Variants in AK5 observed in about 807,000 individuals in gnomAD.
The protein encoded by AK5 is adenylate kinase 5, also known as adenylate kinase isoenzyme 5.
Under a neutral mutation model 69.5 loss-of-function variants are expected in AK5, and 27 were observed. The observed-to-expected ratio is 0.39, with a 90% CI of 0.29 to 0.54. The LOEUF is 0.54. AK5 is among the 20% of genes least tolerant of loss of function. AK5 has a pLI of 0.71. For synonymous variants in AK5, 260 were observed against 244.4 expected, an observed-to-expected ratio of 1.06 and a Z score of -0.60; for missense variants, 531 against 700.4, an observed-to-expected ratio of 0.76 and a Z score of 2.73.
chr1:77,367,256 T>G (rs1646966602), intron 6 of AK5, among the ~76,000 whole-genome samples: 2 of 151,860 alleles, frequency 1.3e-5, no homozygotes, highest in African/African-American at 4.8e-5. Context: ...TTGGATAATT[T>G]GCATATACAT....
At chr1:77,409,275 G>A (rs12070870) in intron 6 of AK5, among the ~76,000 whole-genome samples, 34,269 of 152,056 alleles carry the variant, frequency 0.23, 4,094 homozygotes, top group East Asian at 0.38. Flanking sequence ...CCAGGTATAT[G>A]CCCAGTAATG....
intron 6 of AK5, among the ~76,000 whole-genome samples, chr1:77,357,527 T>G (rs1040733362): frequency 9.2e-5 from 14 of 152,278 alleles, no homozygotes; most frequent in Non-Finnish European, 1.8e-4. Flanking sequence ...AATAATACCT[T>G]ACATTCATTG....
intron 6 of AK5, among the ~76,000 whole-genome samples, chr1:77,368,248 T>TA: frequency 1.2e-5 from 1 of 86,572 alleles, no homozygotes; most frequent in Non-Finnish European, 2.4e-5. Context: ...TATATATATA[T>TA]ATATAATATA....
intron 6 of AK5, chr1:77,349,508 G>A (rs1187451729): frequency 6.6e-6 from 1 of 152,124 alleles, no homozygotes; most frequent in Non-Finnish European, 1.5e-5. Flanking sequence ...TCATTCTGTT[G>A]TTCATTCATC....
chr1:77,385,392 C>G (rs955066092), intron 6 of AK5, among the ~76,000 whole-genome samples: 2 of 152,168 alleles, frequency 1.3e-5, no homozygotes, highest in Non-Finnish European at 2.9e-5. Context: ...ATCTCCTGAT[C>G]TCATGATCCA....
At chr1:77,415,097 C>G (rs1173814445) in intron 7 of AK5, among the ~76,000 whole-genome samples, 2 of 151,930 alleles carry the variant, frequency 1.3e-5, no homozygotes, top group African/African-American at 4.8e-5. Flanking sequence ...GAGGGAGACT[C>G]TGTCAAAAAA....
chr1:77,405,901 C>T (rs928962887), intron 6 of AK5, among the ~76,000 whole-genome samples: 5 of 151,760 alleles, frequency 3.3e-5, no homozygotes, highest in Non-Finnish European at 4.4e-5. Flanking sequence ...TGCCTTACTC[C>T]CCTTTTCCAC....
chr1:77,388,567 TTTG>T (rs3032910), intron 6 of AK5, among the ~76,000 whole-genome samples: 45,570 of 151,058 alleles, frequency 0.3, 7,259 homozygotes, highest in East Asian at 0.43. Context: ...TTTTGGTTGT[TTTG>T]TTGTTGTTGT....
At chr1:77,443,228 G>A (rs754968582) in intron 8 of AK5, among the ~76,000 whole-genome samples, 1 of 152,070 alleles carries the variant, frequency 6.6e-6, no homozygotes, top group Non-Finnish European at 1.5e-5. Flanking sequence ...AAGTGTTTGG[G>A]ATTTCAGATT....
chr1:77,435,644 C>CAAAAAAAAA (rs1202203579), intron 8 of AK5, among the ~76,000 whole-genome samples: 1 of 66,078 alleles, frequency 1.5e-5, no homozygotes, highest in African/African-American at 5.7e-5. Context: ...GACTCTGTCT[C>CAAAAAAAAA]AAAAAAAAAA....
At chr1:77,351,461 A>T (rs1570425110) in intron 6 of AK5, among the ~76,000 whole-genome samples, 1 of 152,198 alleles carries the variant, frequency 6.6e-6, no homozygotes, top group East Asian at 1.9e-4. Flanking sequence ...TGTGTGTAAA[A>T]ATATGTTCAG....
rs1491048688 is a variant in AK5 at position 77,475,405 on chromosome 1, ATG to A, written c.1060-7910_1060-7909del. ...ATATATATGTATATATATAATATAT[ATG>A]TATATATATACTATATATTATATAT... On this transcript the variant is annotated intron_variant, in intron 8 of 13. Transcript: ENST00000354567. Among the ~76,000 whole-genome samples, 61 of 8,000 alleles carry A rather than the reference ATG, an allele frequency of 7.6e-3. 2 individuals are homozygous for A. Among genetic ancestry groups the A allele is most frequent in the Admixed American group, 0.075 (27 of 360 alleles). The allele number at this position is 8,000 out of a possible 152,430, so 5.2% of individuals were successfully genotyped here.
At chr1:77,465,018 A>T (rs1654052905) in intron 8 of AK5, among the ~76,000 whole-genome samples, 1 of 152,176 alleles carries the variant, frequency 6.6e-6, no homozygotes, top group South Asian at 2.1e-4. Flanking sequence ...TGCTCTTGGA[A>T]AGAGGGAGCA....
intron 5 of AK5, among the ~76,000 whole-genome samples, chr1:77,329,861 G>A (rs1266407805): frequency 6.6e-6 from 1 of 152,218 alleles, no homozygotes; most frequent in African/African-American, 2.4e-5. Flanking sequence ...TGGAGAAGAA[G>A]CCAGGAACTG....
intron 10 of AK5, among the ~76,000 whole-genome samples, chr1:77,514,505 G>A (rs1252345513): frequency 6.6e-6 from 1 of 152,218 alleles, no homozygotes; most frequent in Non-Finnish European, 1.5e-5. Context: ...TCTACCAGCA[G>A]TTTTTGTGCT....
chr1:77,492,964 C>G (rs910440108), intron 10 of AK5, among the ~76,000 whole-genome samples: 1 of 152,170 alleles, frequency 6.6e-6, no homozygotes, highest in African/African-American at 2.4e-5. Flanking sequence ...TATCAGAAAT[C>G]ACTGGATTGG....
chr1:77,483,304 A>T lies in AK5; in HGVS notation c.1060-13A>T. On this transcript the variant is annotated splice_polypyrimidine_tract_variant and intron_variant, in intron 8 of 13. Coordinates refer to ENST00000354567, the MANE Select transcript of AK5 (RefSeq NM_174858.3). ...GCTGTTATTATTATCTAATATTGTG[A>T]TTTTTTTAACAGGGTGATGACCAGT... 1 of 1,606,170 alleles carries T rather than the reference A, an allele frequency of 6.2e-7. No individual in the cohort carries two copies. The highest frequency in any genetic ancestry group is 1.1e-5 in the South Asian group (1 of 90,882).
At chr1:77,515,559 C>CA (rs1657588126) in intron 10 of AK5, among the ~76,000 whole-genome samples, 1 of 152,168 alleles carries the variant, frequency 6.6e-6, no homozygotes, top group African/African-American at 2.4e-5. Flanking sequence ...GTGATGTGCT[C>CA]AGGGCACCCA....
intron 5 of AK5, among the ~76,000 whole-genome samples, chr1:77,320,781 A>T (rs866212791): frequency 5.3e-5 from 8 of 152,204 alleles, no homozygotes; most frequent in Admixed American, 3.9e-4. Flanking sequence ...AACACTACAC[A>T]TAAGAAAGCT....
Sources: allele counts gnomAD v4.1 joint callset (sites outside exome capture counted in the v4.1 genomes callset), GRCh38; gene constraint gnomAD v4.1.1; transcripts MANE v1.5; gene names NCBI Gene and HGNC (gene_info 2026-07-23, HGNC 2026-07-21).